ITPR2: variants seen among roughly 807,000 people sequenced by gnomAD.
ITPR2 encodes inositol 1,4,5-trisphosphate receptor type 2.
A neutral mutation model predicts 317.1 loss-of-function variants in ITPR2; 207 were observed. The ratio of observed to expected loss-of-function variants is 0.65; its 90% CI spans 0.58 to 0.73. The LOEUF (loss-of-function observed/expected upper bound fraction) is 0.73, where lower values mean the gene tolerates loss of function less well. Among genes scored for constraint, ITPR2 ranks in the 30% least tolerant of loss-of-function variants. The pLI is 0.00. For missense variants in ITPR2, 2,613 were observed against 3,284.0 expected (o/e 0.80, Z 4.99); for synonymous variants, 1,156 against 1,149.1 (o/e 1.01, Z -0.12).
At chr12:26,559,004 T>C (rs1014975972) in intron 35 of ITPR2, among the ~76,000 whole-genome samples, 2 of 152,316 alleles carry the variant, frequency 1.3e-5, no homozygotes, top group African/African-American at 2.4e-5. Context: ...CTACAACACA[T>C]CGATTCATCC....
intron 2 of ITPR2, among the ~76,000 whole-genome samples, chr12:26,760,976 C>A (rs1368244452): frequency 6.6e-6 from 1 of 151,912 alleles, no homozygotes; most frequent in Admixed American, 6.6e-5. Context: ...TTCAGGAACA[C>A]CCCTGTGGAC....
intron 2 of ITPR2, among the ~76,000 whole-genome samples, chr12:26,779,547 C>T (rs918437600): frequency 6.6e-6 from 1 of 152,214 alleles, no homozygotes; most frequent in African/African-American, 2.4e-5. Context: ...CTTCTCTCTC[C>T]CAGCCTGCAT....
At chr12:26,653,739 T>C (rs917926919) in intron 21 of ITPR2, among the ~76,000 whole-genome samples, 2 of 152,250 alleles carry the variant, frequency 1.3e-5, no homozygotes, top group African/African-American at 2.4e-5. Context: ...GCTATAATGT[T>C]AGTTGCTAAA....
At chr12:26,752,651 C>CT (rs1283384664) in intron 2 of ITPR2, among the ~76,000 whole-genome samples, 1 of 152,216 alleles carries the variant, frequency 6.6e-6, no homozygotes, top group Non-Finnish European at 1.5e-5. Flanking sequence ...GCTGCTCTGT[C>CT]TATGGGGTAG....
intron 2 of ITPR2, among the ~76,000 whole-genome samples, chr12:26,745,833 A>G (rs1268512148): frequency 1.3e-5 from 2 of 152,190 alleles, no homozygotes; most frequent in African/African-American, 2.4e-5. Context: ...GCACACTGGC[A>G]TAATAGATAT....
chr12:26,450,481 C>T (rs1941711538), intron 45 of ITPR2, among the ~76,000 whole-genome samples: 1 of 152,108 alleles, frequency 6.6e-6, no homozygotes, highest in African/African-American at 2.4e-5. Flanking sequence ...AATAACTGGT[C>T]TTCCCGAATA....
intron 18 of ITPR2, among the ~76,000 whole-genome samples, chr12:26,657,151 C>T (rs1214564463): frequency 1.3e-5 from 2 of 152,208 alleles, no homozygotes; most frequent in African/African-American, 4.8e-5. Context: ...GGTTTCTATA[C>T]CTGCAACTCA....
chr12:26,760,056 T>G (rs914513782), intron 2 of ITPR2, among the ~76,000 whole-genome samples: 1 of 152,218 alleles, frequency 6.6e-6, no homozygotes, highest in Admixed American at 6.5e-5. Context: ...TGCACATTCT[T>G]CTGTACACTT....
intron 48 of ITPR2, among the ~76,000 whole-genome samples, chr12:26,428,696 C>T (rs1941130314): frequency 6.6e-6 from 1 of 152,060 alleles, no homozygotes; most frequent in Non-Finnish European, 1.5e-5. Context: ...ATTCACATTC[C>T]AAATGTCTTA....
chr12:26,711,927 C>T (rs1948649192), intron 8 of ITPR2, among the ~76,000 whole-genome samples: 1 of 152,202 alleles, frequency 6.6e-6, no homozygotes. Context: ...CCTTTCCATG[C>T]ATGCTTTTTA....
intron 26 of ITPR2, among the ~76,000 whole-genome samples, chr12:26,614,994 T>A (rs1277668502): frequency 6.6e-6 from 1 of 152,224 alleles, no homozygotes; most frequent in African/African-American, 2.4e-5. Flanking sequence ...TCAATTATAA[T>A]GAATGTACCA....
chr12:26,789,714 T>C (rs773092064), intron 2 of ITPR2, among the ~76,000 whole-genome samples: 6 of 152,240 alleles, frequency 3.9e-5, no homozygotes, highest in Non-Finnish European at 7.3e-5. Context: ...AAGACAATTG[T>C]CAGTTATTAC....
intron 45 of ITPR2, among the ~76,000 whole-genome samples, chr12:26,472,748 G>A (rs1449417577): frequency 6.6e-6 from 1 of 151,960 alleles, no homozygotes; most frequent in Non-Finnish European, 1.5e-5. Flanking sequence ...TCATATATAG[G>A]TTGCTTTATG....
intron 26 of ITPR2, among the ~76,000 whole-genome samples, chr12:26,608,550 G>A (rs866477205): frequency 7.9e-5 from 12 of 152,038 alleles, no homozygotes; most frequent in South Asian, 2.1e-4. Context: ...GAAGAGAGGA[G>A]CGCCTCTGCC....
intron 3 of ITPR2, 120 bp downstream of exon 3, chr12:26,725,530 A>T: frequency 1.5e-6 from 1 of 668,446 alleles, no homozygotes; most frequent in Non-Finnish European, 2.7e-6. Context: ...ATGTGTTGCT[A>T]TATGTATTCT....
At chr12:26,722,596 TCTC>T in intron 4 of ITPR2, 41 bp from the exon 5 acceptor site, 1 of 1,438,630 alleles carries the variant, frequency 7.0e-7, no homozygotes. Flanking sequence ...TATTCTTTGT[TCTC>T]CTCTGTTAAT....
intron 46 of ITPR2, among the ~76,000 whole-genome samples, chr12:26,442,773 C>T (rs193301543): frequency 2.0e-5 from 3 of 152,192 alleles, no homozygotes; most frequent in East Asian, 1.9e-4. Context: ...GGTTATATAT[C>T]TTGAGAGTGA....
At chr12:26,527,016 C>T (rs1321728959) in intron 37 of ITPR2, among the ~76,000 whole-genome samples, 1 of 152,144 alleles carries the variant, frequency 6.6e-6, no homozygotes, top group Non-Finnish European at 1.5e-5. Context: ...TATCCTAGTA[C>T]CAAACAGCCC....
chr12:26,701,902 C>T (rs916188004), intron 9 of ITPR2, among the ~76,000 whole-genome samples: 4 of 152,156 alleles, frequency 2.6e-5, no homozygotes, highest in Non-Finnish European at 4.4e-5. Flanking sequence ...TTATGCAGTA[C>T]TTGATCTATA....
Sources: gnomAD v4.1 joint callset for allele counts (sites outside exome capture counted in the v4.1 genomes callset) on GRCh38, gnomAD v4.1.1 for gene constraint, MANE v1.5 for transcripts, NCBI Gene and HGNC (gene_info 2026-07-23, HGNC 2026-07-21) for gene names.